Variants in RMDN2 observed in about 807,000 individuals in gnomAD.
RMDN2 encodes the protein regulator of microtubule dynamics protein 2.
Under a neutral mutation model 52.8 loss-of-function variants are expected in RMDN2, and 61 were observed. The ratio of observed to expected loss-of-function variants is 1.16; its 90% CI spans 0.94 to 1.43. The LOEUF (loss-of-function observed/expected upper bound fraction) is 1.43. RMDN2 is among the 40% of genes most tolerant of loss of function. RMDN2 has a pLI of 0.00. For synonymous variants in RMDN2, 180 were observed against 153.1 expected, an observed-to-expected ratio of 1.18 and a Z score of -1.30; for missense variants, 592 against 475.3, an observed-to-expected ratio of 1.25 and a Z score of -2.28.
intron 2 of RMDN2, among the ~76,000 whole-genome samples, chr2:37,962,313 T>A (rs1670349684): frequency 6.6e-6 from 1 of 152,208 alleles, no homozygotes; most frequent in South Asian, 2.1e-4. Flanking sequence ...CCCCCAGGTG[T>A]TCTGTCCCAG....
At chr2:37,949,274 G>A (rs968491878) in intron 2 of RMDN2, among the ~76,000 whole-genome samples, 8 of 152,140 alleles carry the variant, frequency 5.3e-5, no homozygotes, top group African/African-American at 1.2e-4. Context: ...CAACCTTGAA[G>A]AATGAGTTAC....
intron 7 of RMDN2, among the ~76,000 whole-genome samples, chr2:37,993,060 G>A (rs771792276): frequency 6.6e-6 from 1 of 152,064 alleles, no homozygotes; most frequent in African/African-American, 2.4e-5. Flanking sequence ...GATTACACGC[G>A]TGTGCCACCA....
chr2:38,025,954 G>A (rs567802426), intron 10 of RMDN2, among the ~76,000 whole-genome samples: 1 of 151,926 alleles, frequency 6.6e-6, no homozygotes, highest in South Asian at 2.1e-4. Context: ...GAGTAATTCT[G>A]GCTTCAGAGA....
At chr2:37,923,447 A>G (rs968658300), upstream of RMDN2, 2 of 152,204 alleles carry the variant, frequency 1.3e-5, no homozygotes, top group African/African-American at 4.8e-5. Context: ...TGCAGCAGTG[A>G]ACAACTCAGT....
chr2:37,954,645 A>C (rs1380496400), intron 2 of RMDN2, among the ~76,000 whole-genome samples: 1 of 152,106 alleles, frequency 6.6e-6, no homozygotes, highest in African/African-American at 2.4e-5. Flanking sequence ...TGAGACCTCC[A>C]ACTTTGTTTT....
chr2:38,037,808 A>G (rs989866772), intron 10 of RMDN2, among the ~76,000 whole-genome samples: 3 of 152,170 alleles, frequency 2.0e-5, no homozygotes, highest in African/African-American at 7.2e-5. Context: ...CTTTTAATCC[A>G]TTCCACAAGG....
chr2:38,006,128 T>A (rs1008239095), intron 10 of RMDN2, among the ~76,000 whole-genome samples: 5 of 152,108 alleles, frequency 3.3e-5, no homozygotes, highest in Admixed American at 1.3e-4. Context: ...GTTTGAAGTC[T>A]GGTAGCATGA....
chr2:37,998,497 G>C (rs1299490696), intron 8 of RMDN2: 1 of 152,192 alleles, frequency 6.6e-6, no homozygotes, highest in Admixed American at 6.5e-5. Context: ...CTGCACTCCA[G>C]CCTGACCAAA....
intron 10 of RMDN2, among the ~76,000 whole-genome samples, chr2:38,005,592 C>A (rs546363749): frequency 6.6e-6 from 1 of 152,186 alleles, no homozygotes; most frequent in East Asian, 1.9e-4. Flanking sequence ...ATTGTAGATT[C>A]TGGATATTAG....
At chr2:38,006,186 G>A (rs2125202945) in intron 10 of RMDN2, among the ~76,000 whole-genome samples, 1 of 151,982 alleles carries the variant, frequency 6.6e-6, no homozygotes. Context: ...GGCAATGTGG[G>A]CTCTTTTTTG....
chr2:37,944,997 G>C (rs997997890), intron 2 of RMDN2, among the ~76,000 whole-genome samples: 10 of 152,156 alleles, frequency 6.6e-5, no homozygotes, highest in African/African-American at 2.4e-4. Flanking sequence ...TTTAGTAGCA[G>C]TACACCTTAG....
chr2:37,995,825 C>T (rs948974062), intron 7 of RMDN2, among the ~76,000 whole-genome samples: 1 of 152,104 alleles, frequency 6.6e-6, no homozygotes. Flanking sequence ...ATTTAAAAAA[C>T]AAAATTATAG....
intron 10 of RMDN2, among the ~76,000 whole-genome samples, chr2:38,045,966 A>G (rs975209031): frequency 6.6e-6 from 1 of 152,242 alleles, no homozygotes; most frequent in East Asian, 1.9e-4. Context: ...CAGGCAAGCA[A>G]CAGAAAGACA....
chr2:38,063,634 A>T (rs1415466385), intron 10 of RMDN2, among the ~76,000 whole-genome samples: 3 of 152,092 alleles, frequency 2.0e-5, no homozygotes, highest in Admixed American at 2.0e-4. Flanking sequence ...AATGGGAGAA[A>T]ATTTTTGCAA....
At chr2:37,954,194 C>T (rs150349994) in intron 2 of RMDN2, among the ~76,000 whole-genome samples, 1,585 of 151,912 alleles carry the variant, frequency 0.01, 7 homozygotes, top group Non-Finnish European at 0.015. Context: ...TAGAAGTTTT[C>T]GGTTTTGAGG....
chr2:38,063,963 G>C (rs1368751015), intron 10 of RMDN2, among the ~76,000 whole-genome samples: 1 of 151,602 alleles, frequency 6.6e-6, no homozygotes, highest in Admixed American at 6.6e-5. Flanking sequence ...GAAAACAATA[G>C]TGAATCCTGT....
At chr2:37,935,973 A>C (rs1667252821) in intron 2 of RMDN2, among the ~76,000 whole-genome samples, 1 of 152,160 alleles carries the variant, frequency 6.6e-6, no homozygotes. Context: ...ATAGGTAGAC[A>C]TGTGCCGTGG....
At chr2:37,964,638 A>G (rs546850129) in intron 2 of RMDN2, among the ~76,000 whole-genome samples, 1 of 152,226 alleles carries the variant, frequency 6.6e-6, no homozygotes, top group Non-Finnish European at 1.5e-5. Context: ...TGCATTGGAG[A>G]CGAATGTGTA....
intron 2 of RMDN2, among the ~76,000 whole-genome samples, chr2:37,959,648 C>G (rs1482396466): frequency 6.6e-6 from 1 of 150,950 alleles, no homozygotes. Flanking sequence ...TCTCTATCCC[C>G]TTCAGTTCTG....
Sources: gnomAD v4.1 joint callset for allele counts (sites outside exome capture counted in the v4.1 genomes callset) on GRCh38, gnomAD v4.1.1 for gene constraint, MANE v1.5 for transcripts, NCBI Gene and HGNC (gene_info 2026-07-23, HGNC 2026-07-21) for gene names.